Variants in DYNC2I1 observed in about 807,000 individuals in gnomAD.
The protein encoded by DYNC2I1 is dynein 2 intermediate chain 1, also known as cytoplasmic dynein 2 intermediate chain 1.
In DYNC2I1, 89 loss-of-function variants were observed where a neutral mutation model predicts 133.4. That is an observed-to-expected ratio of 0.67 (90% CI 0.56 to 0.80). The LOEUF (loss-of-function observed/expected upper bound fraction) is 0.80, where lower values mean the gene tolerates loss of function less well. Among genes scored for constraint, DYNC2I1 ranks in the 30% least tolerant of loss-of-function variants. The probability of loss-of-function intolerance (pLI) is 0.00; values close to 1 mark genes in which losing one functional copy is unlikely to be tolerated. For missense variants in DYNC2I1, 1,291 were observed against 1,314.5 expected (o/e 0.98, Z 0.28); for synonymous variants, 504 against 484.3 (o/e 1.04, Z -0.54).
chr7:158,898,990 T>G (rs887366529), intron 8 of DYNC2I1, among the ~76,000 whole-genome samples: 4 of 152,166 alleles, frequency 2.6e-5, no homozygotes, highest in Non-Finnish European at 5.9e-5. Flanking sequence ...ATTTTACTTG[T>G]GTATAAGCAG....
At chr7:158,840,643 G>A in the DYNC2I1 span, among the ~76,000 whole-genome samples, 1 of 152,230 alleles carries the variant, frequency 6.6e-6, no homozygotes, top group Non-Finnish European at 1.5e-5. Flanking sequence ...TAGTTAGGGA[G>A]ATGGAAATTA....
the DYNC2I1 span, among the ~76,000 whole-genome samples, chr7:158,850,425 C>G: frequency 2.5e-4 from 38 of 152,226 alleles, no homozygotes; most frequent in African/African-American, 8.7e-4. Context: ...GCAGGAACAC[C>G]CAGGGAGCTC....
chr7:158,913,416 C>G (rs769655984), intron 13 of DYNC2I1, among the ~76,000 whole-genome samples: 1 of 152,182 alleles, frequency 6.6e-6, no homozygotes. Flanking sequence ...ACCTTTGAAG[C>G]ACACTGTGTT....
chr7:158,940,988 C>A (rs1362201344), intron 23 of DYNC2I1, among the ~76,000 whole-genome samples: 1 of 151,842 alleles, frequency 6.6e-6, no homozygotes, highest in Non-Finnish European at 1.5e-5. Flanking sequence ...AAGTTCAGAG[C>A]AGAAATAAAT....
rs1169316600 is a variant in DYNC2I1, at chr7:158,945,764, A to T, written c.3186A>T (p.Gly1062=). ...LLLQEALWPE[G]KLHK ...TGCAGGAAGCCCTGTGGCCAGAGGG[A>T]AAACTGCACAAGTAGCGGGTGTGGC... is the stretch of plus-strand genomic sequence containing the variant. Residue 1062 remains glycine, a synonymous_variant, in exon 25 of 25, where the codon GGA becomes GGT. Transcript: ENST00000407559. This position sits in a 1 kb window ranked among gnomAD's most constrained non-coding sequence, Gnocchi z 4.1. 1 of 1,572,346 alleles carries T rather than the reference A, an allele frequency of 6.4e-7. No individual in the cohort carries two copies. Among genetic ancestry groups the T allele is most frequent in the African/African-American group, 1.4e-5 (1 of 73,660 alleles).
chr7:158,928,147 T>C (rs1040167573), intron 20 of DYNC2I1, among the ~76,000 whole-genome samples: 1 of 152,186 alleles, frequency 6.6e-6, no homozygotes, highest in African/African-American at 2.4e-5. Context: ...GCAAAGCTAA[T>C]AGCACCTCTC....
intron 8 of DYNC2I1, among the ~76,000 whole-genome samples, chr7:158,893,911 ATAT>A (rs1845490266): frequency 6.6e-6 from 1 of 151,932 alleles, no homozygotes; most frequent in Non-Finnish European, 1.5e-5. Flanking sequence ...ATCATACCGC[ATAT>A]TATACCATCT....
At chr7:158,848,918 G>A in the DYNC2I1 span, among the ~76,000 whole-genome samples, 19 of 130,572 alleles carry the variant, frequency 1.5e-4, no homozygotes, top group African/African-American at 4.9e-4. Context: ...GTGAGACTCC[G>A]TTTCAAAAAA....
intron 17 of DYNC2I1, 32 bp downstream of exon 17, chr7:158,923,765 T>C: frequency 6.3e-7 from 1 of 1,585,272 alleles, no homozygotes; most frequent in Non-Finnish European, 8.6e-7. Flanking sequence ...ATTGTGTGTC[T>C]GCTAGAAAAG....
chr7:158,897,986 T>A (rs1051177401), intron 8 of DYNC2I1, among the ~76,000 whole-genome samples: 2 of 152,256 alleles, frequency 1.3e-5, no homozygotes, highest in Non-Finnish European at 2.9e-5. Context: ...TCTTGAGATT[T>A]GTTTTTTAGC....
At chr7:158,899,269 T>A (rs192952659) in intron 8 of DYNC2I1, among the ~76,000 whole-genome samples, 236 of 152,314 alleles carry the variant, frequency 1.5e-3, no homozygotes, top group African/African-American at 5.4e-3. Flanking sequence ...TGGTCTGTGG[T>A]TGGTTGAATC....
chr7:158,868,641 G>C (rs959606597), intron 1 of DYNC2I1, among the ~76,000 whole-genome samples: 2 of 152,236 alleles, frequency 1.3e-5, no homozygotes, highest in East Asian at 3.8e-4. Flanking sequence ...CCAGAGACAC[G>C]GGTGAGCTTG....
At chr7:158,863,591 GCGGT>G (rs1842075052) in intron 1 of DYNC2I1, among the ~76,000 whole-genome samples, 1 of 139,268 alleles carries the variant, frequency 7.2e-6, no homozygotes, top group African/African-American at 2.7e-5. Flanking sequence ...TGTGAGGGGG[GCGGT>G]GAGCCGGACG....
At chr7:158,929,249 G>T (rs1431022022) in intron 20 of DYNC2I1, among the ~76,000 whole-genome samples, 1 of 152,230 alleles carries the variant, frequency 6.6e-6, no homozygotes, top group African/African-American at 2.4e-5. Context: ...CTCAGAAGGA[G>T]TCAGCCACCA....
At chr7:158,873,685 G>T (rs1456067328) in intron 3 of DYNC2I1, among the ~76,000 whole-genome samples, 2 of 152,164 alleles carry the variant, frequency 1.3e-5, no homozygotes, top group African/African-American at 4.8e-5. Flanking sequence ...GTAGTGCAGT[G>T]GTGTGATCAC....
intron 15 of DYNC2I1, among the ~76,000 whole-genome samples, chr7:158,919,757 C>T (rs541757922): frequency 3.9e-5 from 6 of 152,338 alleles, no homozygotes; most frequent in African/African-American, 1.4e-4. Context: ...TCTTCACATT[C>T]TTTGAGAGGG....
intron 8 of DYNC2I1, among the ~76,000 whole-genome samples, chr7:158,898,221 T>A (rs145530921): frequency 7.2e-5 from 11 of 152,310 alleles, no homozygotes; most frequent in Non-Finnish European, 1.5e-4. Context: ...TGTTGTTGGG[T>A]GAAGCAGTCT....
At chr7:158,857,533 G>A (rs947831544) in intron 1 of DYNC2I1, among the ~76,000 whole-genome samples, 32 of 138,504 alleles carry the variant, frequency 2.3e-4, no homozygotes, top group African/African-American at 8.4e-4. Flanking sequence ...ATAAACCTTA[G>A]GTTTTTGTTT....
At chr7:158,847,013 A>G in the DYNC2I1 span, among the ~76,000 whole-genome samples, 1 of 152,348 alleles carries the variant, frequency 6.6e-6, no homozygotes, top group East Asian at 1.9e-4. Flanking sequence ...TAATTGACTT[A>G]AAGAAAAGTA....
Sources: gnomAD v4.1 joint callset for allele counts (sites outside exome capture counted in the v4.1 genomes callset) on GRCh38, gnomAD v4.1.1 for gene constraint, Gnocchi (gnomAD v3.1) non-coding constraint, MANE v1.5 for transcripts, NCBI Gene and HGNC (gene_info 2026-07-23, HGNC 2026-07-21) for gene names.